Variants in GFRA2 observed in about 807,000 individuals in gnomAD.
GFRA2 encodes the protein GDNF family receptor alpha-2.
GFRA2 carries 17 observed loss-of-function variants against 48.3 expected under a neutral mutation model. The ratio of observed to expected loss-of-function variants is 0.35; its 90% CI spans 0.24 to 0.53. GFRA2 has a LOEUF of 0.53. Ranked by LOEUF, GFRA2 falls within the 20% of genes least tolerant of loss-of-function variation. The pLI, the probability that GFRA2 is intolerant of heterozygous loss-of-function variation, is 0.93. For missense variants in GFRA2, 660 were observed against 637.3 expected (o/e 1.04, Z -0.38); for synonymous variants, 305 against 257.2 (o/e 1.19, Z -1.78).
chr8:21,804,978 G>A (rs1268225419), intron 2 of GFRA2: 3 of 152,226 alleles, frequency 2.0e-5, no homozygotes. Flanking sequence ...CTTCACTCAA[G>A]GCATGCCTCC....
At chr8:21,811,242 A>G (rs1019429587) in intron 1 of GFRA2, among the ~76,000 whole-genome samples, 6 of 152,138 alleles carry the variant, frequency 3.9e-5, no homozygotes, top group Non-Finnish European at 5.9e-5. Flanking sequence ...CAGAAGCAGG[A>G]ATCGGCCTCC....
At chr8:21,758,478 TG>T (rs1340425880) in intron 3 of GFRA2, among the ~76,000 whole-genome samples, 13 of 152,090 alleles carry the variant, frequency 8.5e-5, no homozygotes, top group African/African-American at 3.1e-4. Flanking sequence ...CCCAGGAAAC[TG>T]CCCCTCATCC....
chr8:21,787,495 G>C (rs1023774053), intron 1 of GFRA2, among the ~76,000 whole-genome samples: 1 of 152,180 alleles, frequency 6.6e-6, no homozygotes, highest in Admixed American at 6.5e-5. Context: ...GGCTCGGTGG[G>C]GAGAAACTTG....
intron 4 of GFRA2, among the ~76,000 whole-genome samples, chr8:21,711,831 T>A (rs1803050093): frequency 1.3e-5 from 2 of 152,288 alleles, no homozygotes; most frequent in South Asian, 4.1e-4. Flanking sequence ...CCCTGCGGCC[T>A]TCCGCAGTGT....
chr8:21,803,987 C>A (rs1807814401), intron 2 of GFRA2, among the ~76,000 whole-genome samples: 1 of 152,016 alleles, frequency 6.6e-6, no homozygotes, highest in South Asian at 2.1e-4. Flanking sequence ...CTCACAATAA[C>A]CCAGGAAGAT....
intron 4 of GFRA2, among the ~76,000 whole-genome samples, chr8:21,713,752 TC>T (rs1803190223): frequency 6.6e-6 from 1 of 152,148 alleles, no homozygotes; most frequent in South Asian, 2.1e-4. Context: ...TATCTGAAAT[TC>T]CAGGAGCAGA....
chr8:21,703,993 C>T (rs1194466907), intron 6 of GFRA2, among the ~76,000 whole-genome samples: 1 of 152,274 alleles, frequency 6.6e-6, no homozygotes, highest in Non-Finnish European at 1.5e-5. Context: ...ACTGTCACCC[C>T]TGCAGGACAA....
chr8:21,804,403 T>C (rs1807823228), intron 2 of GFRA2, among the ~76,000 whole-genome samples: 1 of 151,176 alleles, frequency 6.6e-6, no homozygotes, highest in African/African-American at 2.4e-5. Context: ...AAAAGAGTTT[T>C]GTCAACTATA....
At chr8:21,778,614 C>T (rs910819511) in intron 2 of GFRA2, among the ~76,000 whole-genome samples, 13 of 152,296 alleles carry the variant, frequency 8.5e-5, no homozygotes, top group Admixed American at 2.0e-4. Flanking sequence ...CCAGGCAGGA[C>T]GCAGCGGCTT....
intron 1 of GFRA2, 89 bp downstream of exon 1, chr8:21,788,031 T>TCCCCCCCCCCCCCCCCCCA: frequency 2.3e-6 from 1 of 432,238 alleles, no homozygotes; most frequent in East Asian, 5.5e-5. Context: ...CCCGCCGACC[T>TCCCCCCCCCCCCCCCCCCA]CCCGCCAGCC....
rs1443315456 is a variant in GFRA2 at position 21,750,823 on chromosome 8, G to A, written c.559C>T (p.Arg187Cys). 1 of 1,613,894 alleles carries A rather than the reference G, an allele frequency of 6.2e-7. No individual in the cohort carries two copies. The highest frequency in any genetic ancestry group is 8.5e-7 in the Non-Finnish European group (1 of 1,179,820). The part of the protein sequence containing the change: ...LRSSYISICN[R>C]EISPTERCNR... The stretch of plus-strand genomic sequence containing the variant: ...CAGCGCTCGGTGGGCGAGATCTCGC[G>A]GTTGCAGATGGAGATGTAGGAGGAG... Residue 187 changes from arginine (R) to cysteine (C), a missense_variant, in exon 4 of 9, where the codon CGC (arginine) becomes TGC (cysteine). By Grantham distance (180) the Arg-to-Cys change is radical. Transcript: ENST00000524240. This position sits in a 1 kb window ranked among gnomAD's most constrained non-coding sequence, Gnocchi z 5.7.
At position 21,788,137 on chromosome 8, in the gene GFRA2, C is replaced by A. The variant is rs866911272; in HGVS notation, c.23G>T (p.Cys8Phe). The change falls in exon 1 of 9, where the codon TGC (cysteine) becomes TTC (phenylalanine). Residue 8 changes from cysteine to phenylalanine, a missense_variant. By Grantham distance (205) the Cys-to-Phe change is radical. Coordinates refer to ENST00000524240, the MANE Select transcript of GFRA2 (RefSeq NM_001495.5). ...GTACTCACCTAGAAAGAAGAAGAGG[C>A]AGAAGACGTTTGCCAAGATCATGTT... MILANVF[C>F]LFFFLDETLR... 4.4e-4 allele frequency: 692 copies of A among 1,586,544 alleles called. 1 individual carries two copies. The African/African-American group carries it at 8.2e-3, about 19-fold the overall frequency.
rs563075739 is a variant in GFRA2, at chr8:21,722,587, G to C, written c.795-16546C>G. ...AGGGAGGAGAGAACATGGGCCCTTG[G>C]TCTCGCCCGCATGCAGTGAGCTCTC... On this transcript the variant is annotated intron_variant, in intron 4 of 8. Transcript: ENST00000524240. Among the ~76,000 whole-genome samples the C allele has an allele frequency of 3.2e-4, 48 of 152,210 alleles. No homozygotes were observed. In the South Asian group the frequency reaches 8.9e-3, roughly 28 times the overall value.
chr8:21,804,348 A>G (rs777260244), intron 2 of GFRA2, among the ~76,000 whole-genome samples: 1 of 152,032 alleles, frequency 6.6e-6, no homozygotes, highest in Non-Finnish European at 1.5e-5. Context: ...CATCGGCAAA[A>G]CGGGAATAAT....
chr8:21,784,537 C>T (rs543845077), intron 1 of GFRA2, among the ~76,000 whole-genome samples: 2 of 152,168 alleles, frequency 1.3e-5, no homozygotes, highest in South Asian at 4.1e-4. Context: ...CTAAAGGCAG[C>T]GCGCTGCACA....
intron 4 of GFRA2, among the ~76,000 whole-genome samples, chr8:21,719,013 C>T (rs910887721): frequency 5.9e-5 from 9 of 152,078 alleles, no homozygotes; most frequent in African/African-American, 2.2e-4. Context: ...CACCTGCCTC[C>T]TTGGCCCCCC....
At chr8:21,807,242 A>G (rs1447043078) in intron 1 of GFRA2, among the ~76,000 whole-genome samples, 1 of 152,200 alleles carries the variant, frequency 6.6e-6, no homozygotes, top group Non-Finnish European at 1.5e-5. Flanking sequence ...CAGTGGGCTC[A>G]TTACTGCAAC....
intron 4 of GFRA2, among the ~76,000 whole-genome samples, chr8:21,707,189 C>T (rs1802790621): frequency 6.6e-6 from 1 of 152,190 alleles, no homozygotes; most frequent in African/African-American, 2.4e-5. Flanking sequence ...TATGGTGACT[C>T]GACAAGCTAG....
At chr8:21,804,628 G>A (rs148541094) in intron 2 of GFRA2, among the ~76,000 whole-genome samples, 4 of 152,136 alleles carry the variant, frequency 2.6e-5, no homozygotes, top group African/African-American at 7.2e-5. Flanking sequence ...CTGTCCCCAC[G>A]CTCTGTTTGG....
Sources: gnomAD v4.1 joint callset for allele counts (sites outside exome capture counted in the v4.1 genomes callset) on GRCh38, gnomAD v4.1.1 for gene constraint, Gnocchi (gnomAD v3.1) non-coding constraint, MANE v1.5 for transcripts, NCBI Gene and HGNC (gene_info 2026-07-23, HGNC 2026-07-21) for gene names.